LYN: variants seen among roughly 807,000 people sequenced by gnomAD.
LYN encodes LYN proto-oncogene, Src family tyrosine kinase, also known as tyrosine-protein kinase Lyn.
In LYN, 12 loss-of-function variants were observed where a neutral mutation model predicts 65.0. The ratio of observed to expected loss-of-function variants is 0.18; its 90% CI spans 0.12 to 0.30. LYN has a LOEUF of 0.30. Ranked by LOEUF, LYN falls within the 10% of genes least tolerant of loss-of-function variation. The pLI is 1.00. For missense variants in LYN, 380 were observed against 623.2 expected, an observed-to-expected ratio of 0.61 and a Z score of 4.16; for synonymous variants, 222 against 221.2, an observed-to-expected ratio of 1.00 and a Z score of -0.03.
intron 1 of LYN, among the ~76,000 whole-genome samples, chr8:55,897,900 G>T (rs967394534): frequency 6.6e-6 from 1 of 151,990 alleles, no homozygotes; most frequent in Non-Finnish European, 1.5e-5. Context: ...GTGACAGTGA[G>T]GCCCTGTCTC....
At chr8:55,890,272 A>C (rs1804920610) in intron 1 of LYN, among the ~76,000 whole-genome samples, 1 of 152,136 alleles carries the variant, frequency 6.6e-6, no homozygotes, top group Admixed American at 6.6e-5. Context: ...TGATTACACC[A>C]CCACACTCCA....
chr8:55,909,328 G>A (rs1805534065), intron 1 of LYN, among the ~76,000 whole-genome samples: 2 of 152,132 alleles, frequency 1.3e-5, no homozygotes, highest in Admixed American at 1.3e-4. Flanking sequence ...TAGTCCTCTA[G>A]TGGGGACAGT....
chr8:55,917,740 T>C (rs1805819224), intron 1 of LYN, among the ~76,000 whole-genome samples: 1 of 152,224 alleles, frequency 6.6e-6, no homozygotes, highest in Non-Finnish European at 1.5e-5. Flanking sequence ...CAAAGATTTA[T>C]AGAATTAGAG....
At chr8:55,910,485 T>C (rs1805568011) in intron 1 of LYN, among the ~76,000 whole-genome samples, 2 of 152,214 alleles carry the variant, frequency 1.3e-5, no homozygotes, top group Admixed American at 6.5e-5. Context: ...CTGGGTTCTC[T>C]ATTCTGTCCC....
At chr8:55,948,900 A>T (rs949882626) in intron 4 of LYN, among the ~76,000 whole-genome samples, 1 of 152,230 alleles carries the variant, frequency 6.6e-6, no homozygotes, top group Admixed American at 6.5e-5. Flanking sequence ...AGCAAAGAGG[A>T]TGCAGAGCTT....
At chr8:55,880,607 G>T (rs970289142) in intron 1 of LYN, among the ~76,000 whole-genome samples, 1 of 152,210 alleles carries the variant, frequency 6.6e-6, no homozygotes, top group Non-Finnish European at 1.5e-5. Flanking sequence ...GGCTCGGCCG[G>T]CGCCCTCTCG....
At chr8:55,945,417 T>C (rs567301344) in intron 2 of LYN, among the ~76,000 whole-genome samples, 88 of 152,332 alleles carry the variant, frequency 5.8e-4, no homozygotes, top group Non-Finnish European at 1.1e-3. Flanking sequence ...ATTTGAAGGA[T>C]AGTATGCAGC....
At chr8:55,973,246 G>A (rs903830955) in intron 10 of LYN, among the ~76,000 whole-genome samples, 1 of 152,154 alleles carries the variant, frequency 6.6e-6, no homozygotes, top group Non-Finnish European at 1.5e-5. Flanking sequence ...TCATGTGAGA[G>A]CTGATTTCAT....
At chr8:55,880,452 C>G (rs1290668000) in intron 1 of LYN, among the ~76,000 whole-genome samples, 3 of 152,142 alleles carry the variant, frequency 2.0e-5, no homozygotes, top group Non-Finnish European at 4.4e-5. Context: ...CGGCTGCTGT[C>G]CCTGCTCCGG....
At chr8:55,929,886 CCTGGGCCATGGA>C in intron 1 of LYN, among the ~76,000 whole-genome samples, 1 of 152,308 alleles carries the variant, frequency 6.6e-6, no homozygotes, top group East Asian at 1.9e-4. Context: ...ATCCCCAACC[CCTGGGCCATGGA>C]CTGGTACTGG....
chr8:55,919,155 A>G (rs764942002), intron 1 of LYN, among the ~76,000 whole-genome samples: 8 of 152,148 alleles, frequency 5.3e-5, no homozygotes, highest in East Asian at 1.9e-4. Context: ...GAGGATCTCA[A>G]TTATTTCAAG....
In LYN at chr8:55,969,753, G is replaced by A; in HGVS notation, c.1010G>A (p.Gly337Asp). 1.2e-6 allele frequency: 2 copies of A among 1,614,112 alleles called. No individual in the cohort carries two copies. Among genetic ancestry groups the A allele is most frequent in the Admixed American group, 1.7e-5 (1 of 60,024 alleles). ...LLDFLKSDEGGKVLLPKLIDF... is the reference protein window; with the variant it reads ...LLDFLKSDEGDKVLLPKLIDF... ...GATTTCCTGAAGAGCGATGAAGGTG[G>A]CAAAGTGCTGCTTCCAAAGCTCATT... The change falls in exon 10 of 13, where the codon GGC becomes GAC. Residue 337 changes from glycine to aspartate, a missense_variant. Around this residue, in one of 2 missense-constraint regions of LYN, gnomAD observed 223 missense variants for 430.0 expected, o/e 0.52. Coordinates refer to ENST00000519728, the MANE Select transcript of LYN (RefSeq NM_002350.4).
Position 55,938,710 on chromosome 8 carries a change from C to T in LYN, c.-5-3145C>T, listed in dbSNP as rs1448945226. 3.3e-5 allele frequency among the ~76,000 whole-genome samples: 5 copies of T among 152,134 alleles called. No individual in the cohort carries two copies. The East Asian group carries it at 9.6e-4, about 29-fold the overall frequency. On this transcript the variant is annotated intron_variant, in intron 1 of 12. Coordinates refer to ENST00000519728, the MANE Select transcript of LYN (RefSeq NM_002350.4). ...TTTTTTTCTCTGAGAAAGAGGTAGC[C>T]TATAAAAATAATCTCTTTGTTTGGC... is the stretch of plus-strand genomic sequence containing the variant.
At chr8:55,989,334 C>G (rs954226038) in intron 10 of LYN, among the ~76,000 whole-genome samples, 2 of 152,200 alleles carry the variant, frequency 1.3e-5, no homozygotes, top group Non-Finnish European at 2.9e-5. Flanking sequence ...AGATTGTGCT[C>G]TCTATCAAAC....
chr8:56,004,672 C>CT (rs1186455860), intron 12 of LYN, among the ~76,000 whole-genome samples: 1 of 152,202 alleles, frequency 6.6e-6, no homozygotes, highest in African/African-American at 2.4e-5. Context: ...ATTTTGATTC[C>CT]TTATTCTAGC....
intron 1 of LYN, among the ~76,000 whole-genome samples, chr8:55,887,614 AT>A (rs66536728): frequency 0.32 from 36,979 of 117,104 alleles, 7,241 homozygotes; most frequent in East Asian, 0.61. Flanking sequence ...ATATATATAT[AT>A]TTTTTTTTTC....
At chr8:55,934,558 A>T (rs930057924) in intron 1 of LYN, among the ~76,000 whole-genome samples, 6 of 152,178 alleles carry the variant, frequency 3.9e-5, no homozygotes, top group South Asian at 4.1e-4. Flanking sequence ...CAACTGGGAA[A>T]CTTGTGGATC....
intron 1 of LYN, among the ~76,000 whole-genome samples, chr8:55,932,641 G>A (rs1468097444): frequency 6.6e-6 from 1 of 152,134 alleles, no homozygotes; most frequent in African/African-American, 2.4e-5. Flanking sequence ...GGCTGGTCTC[G>A]AACTCCTAAC....
At chr8:55,999,698 A>G (rs1286667725) in intron 12 of LYN, 149 bp downstream of exon 12, 5 of 855,650 alleles carry the variant, frequency 5.8e-6, no homozygotes, top group African/African-American at 3.4e-5. Context: ...CGGGCTGGGC[A>G]TGGTGGCTCA....
Sources: allele counts gnomAD v4.1 joint callset (sites outside exome capture counted in the v4.1 genomes callset), GRCh38; gene constraint gnomAD v4.1.1; regional missense constraint gnomAD v4.1.1; transcripts MANE v1.5; gene names NCBI Gene and HGNC (gene_info 2026-07-23, HGNC 2026-07-21).